The following DZIP1 variants were observed in gnomAD, a reference collection of about 807,000 sequenced individuals.
DZIP1 encodes DAZ interacting zinc finger protein 1.
A neutral mutation model predicts 107.6 loss-of-function variants in DZIP1; 97 were observed. The ratio of observed to expected loss-of-function variants is 0.90; its 90% CI spans 0.77 to 1.07. The LOEUF (loss-of-function observed/expected upper bound fraction) is 1.07. Ranked by LOEUF, DZIP1 falls within the 50% of genes least tolerant of loss-of-function variation. The pLI, the probability that DZIP1 is intolerant of heterozygous loss-of-function variation, is 0.00. For missense variants in DZIP1, 1,035 were observed against 1,063.6 expected (o/e 0.97, Z 0.37); for synonymous variants, 390 against 386.4 (o/e 1.01, Z -0.11).
chr13:95,614,612 T>C (rs539726775), intron 10 of DZIP1, among the ~76,000 whole-genome samples: 9 of 152,236 alleles, frequency 5.9e-5, no homozygotes, highest in African/African-American at 1.9e-4. Context: ...TAGGCAAACA[T>C]AGCCAGAAAT....
At chr13:95,599,915 G>C (rs1292803087) in intron 14 of DZIP1, among the ~76,000 whole-genome samples, 1 of 152,196 alleles carries the variant, frequency 6.6e-6, no homozygotes, top group Non-Finnish European at 1.5e-5. Context: ...CGACAGGCGA[G>C]AGGTCAGCAG....
At chr13:95,621,101 C>T (rs1875784068) in intron 9 of DZIP1, among the ~76,000 whole-genome samples, 1 of 152,150 alleles carries the variant, frequency 6.6e-6, no homozygotes, top group African/African-American at 2.4e-5. Context: ...ATGCTATAGC[C>T]TAGAGGCTCA....
At chr13:95,635,072 G>A (rs1877629567) in intron 5 of DZIP1, among the ~76,000 whole-genome samples, 1 of 151,760 alleles carries the variant, frequency 6.6e-6, no homozygotes, top group Non-Finnish European at 1.5e-5. Flanking sequence ...TTTGGATTTT[G>A]CTCTTTTCAT....
At position 95,606,442 on chromosome 13, in the gene DZIP1, G is replaced by A. The variant is rs568033435; in HGVS notation, c.1421-383C>T. Among the ~76,000 whole-genome samples, 10 of 152,198 alleles carry A rather than the reference G, an allele frequency of 6.6e-5. 1 individual carries two copies. In the South Asian group the frequency reaches 2.1e-3, roughly 32 times the overall value. ...CAATTAATCTACTATCCATCTCTAT[G>A]AATTTGCCTATTCTTGACATTTCAT... On this transcript the variant is annotated intron_variant, in intron 13 of 22. Coordinates refer to ENST00000376829, the MANE Select transcript of DZIP1 (RefSeq NM_198968.4).
intron 15 of DZIP1, among the ~76,000 whole-genome samples, chr13:95,598,683 TGATA>T (rs1256631612): frequency 6.6e-6 from 1 of 152,132 alleles, no homozygotes; most frequent in Non-Finnish European, 1.5e-5. Flanking sequence ...GAAAAAATTA[TGATA>T]GATTGATTCA....
intron 12 of DZIP1, 116 bp downstream of exon 12, chr13:95,611,329 C>A: frequency 1.3e-6 from 1 of 760,388 alleles, no homozygotes; most frequent in Non-Finnish European, 2.3e-6. Context: ...GAAATCAATA[C>A]AACAAGAAGA....
intron 21 of DZIP1, 24 bp from the exon 22 acceptor site, chr13:95,584,934 A>G: frequency 6.3e-7 from 1 of 1,591,030 alleles, no homozygotes; most frequent in Non-Finnish European, 8.6e-7. Flanking sequence ...ATGGAGAATA[A>G]TTAATGTTGC....
chr13:95,631,772 CTGCTTTCCTTCCCAATAAG>C (rs1338144794), intron 6 of DZIP1, among the ~76,000 whole-genome samples: 1 of 152,166 alleles, frequency 6.6e-6, no homozygotes, highest in African/African-American at 2.4e-5. Context: ...CCTCATGTCT[CTGCTTTCCTTCCCAATAAG>C]TGTTATTGAA....
At chr13:95,628,199 C>T (rs901797597) in intron 7 of DZIP1, among the ~76,000 whole-genome samples, 9 of 152,138 alleles carry the variant, frequency 5.9e-5, no homozygotes, top group African/African-American at 1.7e-4. Context: ...CATGCCACCA[C>T]ACTTAGCTAA....
intron 6 of DZIP1, among the ~76,000 whole-genome samples, chr13:95,632,679 C>G (rs1456388192): frequency 1.3e-5 from 2 of 152,196 alleles, no homozygotes; most frequent in South Asian, 4.1e-4. Context: ...ACTCCACATT[C>G]CAGCCCACGC....
At chr13:95,602,489 T>C (rs914051195) in intron 14 of DZIP1, among the ~76,000 whole-genome samples, 2 of 152,206 alleles carry the variant, frequency 1.3e-5, no homozygotes, top group South Asian at 4.1e-4. Context: ...ACAGGCTTCG[T>C]TTCTGATTCA....
At chr13:95,612,426 A>G (rs903537825) in intron 10 of DZIP1, among the ~76,000 whole-genome samples, 3 of 152,200 alleles carry the variant, frequency 2.0e-5, no homozygotes, top group Non-Finnish European at 4.4e-5. Flanking sequence ...TTAGCCAACT[A>G]CAGCACATAA....
intron 10 of DZIP1, among the ~76,000 whole-genome samples, chr13:95,615,559 C>G (rs4325419): frequency 0.99 from 150,685 of 152,338 alleles, 74,548 homozygotes; most frequent in Middle Eastern, 1. Context: ...AGCTGGCCAC[C>G]TGTACTTTGG....
chr13:95,619,706 A>G (rs2139228800), intron 10 of DZIP1, among the ~76,000 whole-genome samples, 179 bp downstream of exon 10: 1 of 152,302 alleles, frequency 6.6e-6, no homozygotes, highest in South Asian at 2.1e-4. Context: ...AAAAGAAAAC[A>G]AATTATAAGA....
chr13:95,623,804 T>G lies in DZIP1; in HGVS notation c.972+964A>C, dbSNP rs1876202674. Among the ~76,000 whole-genome samples, 4 of 152,140 alleles carry G rather than the reference T, an allele frequency of 2.6e-5. No homozygotes were observed. The South Asian group carries it at 8.3e-4, about 31-fold the overall frequency. On this transcript the variant is annotated intron_variant, in intron 8 of 22. Coordinates refer to ENST00000376829, the MANE Select transcript of DZIP1 (RefSeq NM_198968.4). ...AAATACAAAAATTAGCTGGGTGTGG[T>G]GGCATGTGCCTGTAACGCCAGCTAC...
chr13:95,584,916 A>G lies in DZIP1; in HGVS notation c.2350-6T>C, dbSNP rs779844256. The G allele has an allele frequency of 3.7e-6, 6 of 1,607,076 alleles. No individual in the cohort carries two copies. The highest frequency in any genetic ancestry group is 8.5e-7 in the Non-Finnish European group (1 of 1,177,188). On this transcript the variant is annotated splice_polypyrimidine_tract_variant and splice_region_variant and intron_variant, in intron 21 of 22. Coordinates refer to ENST00000376829, the MANE Select transcript of DZIP1 (RefSeq NM_198968.4). The stretch of plus-strand genomic sequence containing the variant: ...TCATCCTCCACATCCGCACACTAAA[A>G]GAAAGGCATGGAGAATAATTAATGT...
At position 95,587,883 on chromosome 13, in the gene DZIP1, G is replaced by A. The variant is rs542843844; in HGVS notation, c.2028-154C>T. ...GGGGCTATGGCCAAGATGGCGGCGA[G>A]GCCAGAGGTTATACCCACGGCTGTA... On this transcript the variant is annotated intron_variant, in intron 19 of 22. Coordinates refer to ENST00000376829, the MANE Select transcript of DZIP1 (RefSeq NM_198968.4). The A allele has an allele frequency of 1.4e-5, 13 of 900,338 alleles. No homozygotes were observed. The African/African-American group carries it at 2.2e-4, about 15-fold the overall frequency. 55.8% of individuals were successfully genotyped at this position (900,338 alleles called of 1,614,324 possible). A position where few individuals can be genotyped will look rare whatever the true frequency, so the allele number is the denominator to read the frequency against.
At chr13:95,610,101 TGTGTGTGTGTGA>T (rs1286367794) in intron 12 of DZIP1, among the ~76,000 whole-genome samples, 1 of 125,508 alleles carries the variant, frequency 8.0e-6, no homozygotes, top group Non-Finnish European at 1.6e-5. Flanking sequence ...TGTGTGTGTG[TGTGTGTGTGTGA>T]GAGAGAGACA....
chr13:95,634,907 T>G (rs566669223), intron 5 of DZIP1, among the ~76,000 whole-genome samples: 1 of 152,236 alleles, frequency 6.6e-6, no homozygotes, highest in South Asian at 2.1e-4. Flanking sequence ...TAATTATTAA[T>G]AACTGGATCC....
Sources: gnomAD v4.1 joint callset for allele counts (sites outside exome capture counted in the v4.1 genomes callset) on GRCh38, gnomAD v4.1.1 for gene constraint, MANE v1.5 for transcripts, NCBI Gene and HGNC (gene_info 2026-07-23, HGNC 2026-07-21) for gene names.